Variants in NFIA observed in about 807,000 individuals in gnomAD.
The protein encoded by NFIA is nuclear factor 1 A-type.
A neutral mutation model predicts 62.8 loss-of-function variants in NFIA; 8 were observed. The observed-to-expected ratio is 0.13, with a 90% confidence interval of 0.07 to 0.23. NFIA has a LOEUF of 0.23. Ranked by LOEUF, NFIA falls within the 10% of genes least tolerant of loss-of-function variation. NFIA has a pLI of 1.00. For synonymous variants in NFIA, 235 were observed against 238.1 expected (o/e 0.99, Z 0.12); for missense variants, 410 against 642.1 (o/e 0.64, Z 3.91).
chr1:61,426,298 T>G (rs1666863654), intron 9 of NFIA, among the ~76,000 whole-genome samples, 167 bp from the exon 10 acceptor site: 1 of 152,158 alleles, frequency 6.6e-6, no homozygotes, highest in African/African-American at 2.4e-5. Context: ...TTCCCCCTTT[T>G]TTGACTGTCT....
chr1:61,346,601 C>T (rs1258063691), intron 4 of NFIA, among the ~76,000 whole-genome samples: 2 of 152,082 alleles, frequency 1.3e-5, no homozygotes, highest in Non-Finnish European at 2.9e-5. Context: ...GTCAAATTTC[C>T]ATTGTAAAAA....
At chr1:61,398,690 A>G (rs1010112521) in intron 7 of NFIA, among the ~76,000 whole-genome samples, 4 of 152,210 alleles carry the variant, frequency 2.6e-5, no homozygotes, top group African/African-American at 9.6e-5. Flanking sequence ...TATTTAGAAA[A>G]GGCATCACCT....
At chr1:61,309,757 CAT>C (rs1659998270) in intron 3 of NFIA, among the ~76,000 whole-genome samples, 3 of 152,120 alleles carry the variant, frequency 2.0e-5, no homozygotes, top group Non-Finnish European at 4.4e-5. Flanking sequence ...GGTGTGGTGG[CAT>C]GCACCTGTAG....
chr1:61,201,766 G>C (rs1337535252), intron 2 of NFIA, among the ~76,000 whole-genome samples: 7 of 152,148 alleles, frequency 4.6e-5, no homozygotes, highest in African/African-American at 7.2e-5. Context: ...GCATTTTAAT[G>C]AGTTTCCATA....
At chr1:61,296,269 A>C (rs1188757035) in intron 3 of NFIA, among the ~76,000 whole-genome samples, 4 of 152,178 alleles carry the variant, frequency 2.6e-5, no homozygotes, top group Non-Finnish European at 5.9e-5. Flanking sequence ...TCAGTATTTG[A>C]CTTCAGATTG....
chr1:61,337,353 G>A (rs909615141), intron 4 of NFIA, among the ~76,000 whole-genome samples: 2 of 151,402 alleles, frequency 1.3e-5, no homozygotes, highest in Non-Finnish European at 2.9e-5. Context: ...TAAAGTCCAC[G>A]AAAGGCAAGA....
rs181214033 is a variant in NFIA at position 61,288,132 on chromosome 1, T to A, written c.625+10547T>A. On this transcript the variant is annotated intron_variant, in intron 3 of 10. Transcript: ENST00000403491. ...GAGTGTATAAGTTTAATTAGTCGTG[T>A]ATTAATTGAGTAAGCCACTGCGACA... Among the ~76,000 whole-genome samples the A allele has an allele frequency of 1.4e-3, 210 of 152,332 alleles. 1 individual carries two copies. Among genetic ancestry groups the A allele is most frequent in the African/African-American group, 4.7e-3 (196 of 41,568 alleles).
intron 2 of NFIA, among the ~76,000 whole-genome samples, chr1:61,147,013 C>T (rs180833632): frequency 1.4e-4 from 22 of 152,214 alleles, no homozygotes; most frequent in East Asian, 9.7e-4. Flanking sequence ...GTGAATCTTA[C>T]GGATGGCTCT....
upstream of NFIA, chr1:61,077,566 A>G (rs1646047317): frequency 1.5e-6 from 2 of 1,316,014 alleles, no homozygotes; most frequent in Non-Finnish European, 2.0e-6. Flanking sequence ...AAAGGGGACA[A>G]CAAATGAAGC....
intron 3 of NFIA, among the ~76,000 whole-genome samples, chr1:61,297,179 C>G (rs926643131): frequency 6.6e-6 from 1 of 152,174 alleles, no homozygotes; most frequent in Non-Finnish European, 1.5e-5. Context: ...TAAAAGGTTT[C>G]TCTAAAAATC....
chr1:61,383,140 T>C (rs957543787), intron 6 of NFIA, 97 bp from the exon 7 acceptor site: 11 of 1,453,762 alleles, frequency 7.6e-6, no homozygotes, highest in Admixed American at 4.0e-5. Context: ...GATTTCTCTT[T>C]TTGTTTGTTT....
chr1:61,345,579 G>T (rs1039805299), intron 4 of NFIA, among the ~76,000 whole-genome samples: 2 of 152,148 alleles, frequency 1.3e-5, no homozygotes, highest in Non-Finnish European at 2.9e-5. Context: ...CAGCAGGAGG[G>T]GAGTGGCGGG....
At chr1:61,145,902 TA>T (rs1647898431) in intron 2 of NFIA, among the ~76,000 whole-genome samples, 1 of 152,244 alleles carries the variant, frequency 6.6e-6, no homozygotes, top group Admixed American at 6.5e-5. Flanking sequence ...CTCTTCTTTG[TA>T]TGACTACAAG....
At chr1:61,339,449 TG>T (rs1225345376) in intron 4 of NFIA, among the ~76,000 whole-genome samples, 1 of 152,202 alleles carries the variant, frequency 6.6e-6, no homozygotes, top group Non-Finnish European at 1.5e-5. Context: ...ATTATGACTT[TG>T]CAAATGTTAC....
At chr1:61,425,822 C>T (rs1253715788) in intron 9 of NFIA, among the ~76,000 whole-genome samples, 1 of 152,158 alleles carries the variant, frequency 6.6e-6, no homozygotes, top group East Asian at 1.9e-4. Flanking sequence ...ATAGTTTATG[C>T]CTGAACAGAA....
intron 3 of NFIA, among the ~76,000 whole-genome samples, chr1:61,298,039 C>G (rs892018913): frequency 6.6e-6 from 1 of 152,022 alleles, no homozygotes; most frequent in Non-Finnish European, 1.5e-5. Context: ...TACGGTTTGG[C>G]TCTGTGTCCC....
At chr1:61,151,468 G>C (rs995208145) in intron 2 of NFIA, among the ~76,000 whole-genome samples, 2 of 151,666 alleles carry the variant, frequency 1.3e-5, no homozygotes, top group African/African-American at 4.8e-5. Flanking sequence ...TTTAGTCTGC[G>C]GGTGATTGAT....
intron 1 of NFIA, among the ~76,000 whole-genome samples, chr1:61,087,030 T>C (rs573362485): frequency 2.6e-5 from 4 of 152,284 alleles, no homozygotes. Context: ...AATCAAAAGT[T>C]AGACGTACTC....
intron 3 of NFIA, among the ~76,000 whole-genome samples, chr1:61,319,835 A>ACACACACACACC (rs1254829829): frequency 5.7e-5 from 8 of 141,076 alleles, no homozygotes; most frequent in African/African-American, 2.1e-4. Context: ...ACACACACAC[A>ACACACACACACC]CCAACTTTCA....
Sources: allele counts gnomAD v4.1 joint callset (sites outside exome capture counted in the v4.1 genomes callset), GRCh38; gene constraint gnomAD v4.1.1; transcripts MANE v1.5; gene names NCBI Gene and HGNC (gene_info 2026-07-23, HGNC 2026-07-21).